The following YIPF2 variants were observed in gnomAD, a reference collection of about 807,000 sequenced individuals.
YIPF2 encodes Yip1 domain family member 2.
A neutral mutation model predicts 38.8 loss-of-function variants in YIPF2; 30 were observed. The observed-to-expected ratio is 0.77, with a 90% CI of 0.58 to 1.05. The LOEUF is 1.05. Ranked by LOEUF, YIPF2 falls within the 50% of genes least tolerant of loss-of-function variation. The pLI is 0.00. For synonymous variants in YIPF2, 194 were observed against 183.8 expected (o/e 1.06, Z -0.45); for missense variants, 401 against 409.7 (o/e 0.98, Z 0.18).
chr19:10,927,063 G>T (rs1389057296), intron 4 of YIPF2, among the ~76,000 whole-genome samples: 1 of 151,856 alleles, frequency 6.6e-6, no homozygotes, highest in African/African-American at 2.4e-5. Flanking sequence ...GTAGAGACGG[G>T]GTTTCACCAT....
chr19:10,927,458 G>T, intron 4 of YIPF2, 172 bp downstream of exon 4: 2 of 837,846 alleles, frequency 2.4e-6, no homozygotes, highest in Admixed American at 3.0e-5. Flanking sequence ...CAGATTGTGT[G>T]TGTCCCCTGT....
Position 10,923,571 on chromosome 19 carries a change from TCACGGAC to T in YIPF2, c.751_757del (p.Val251ArgfsTer98). On this transcript the variant is annotated frameshift_variant, in exon 8 of 10. Transcript: ENST00000586748. LOFTEE classifies it high-confidence loss of function. ...CACTGTGGCCACCAGCCTGGTGTCC[TCACGGAC>T]CACGGGCCAGAGGGTGAATACCAGC... is the stretch of plus-strand genomic sequence containing the variant. The T allele has an allele frequency of 6.2e-7, 1 of 1,612,748 alleles. No homozygotes were observed. Among genetic ancestry groups the T allele is most frequent in the Non-Finnish European group, 8.5e-7 (1 of 1,179,786 alleles).
Position 10,923,046 on chromosome 19 carries a change from G to A in YIPF2, c.*148C>T. ...AAATTCTCTGAATCACCTTTGCATA[G>A]AAAATAAAAGTGTTTGCTTTGTAAG... On this transcript the variant is annotated 3_prime_UTR_variant, in exon 10 of 10. Coordinates refer to ENST00000586748, the MANE Select transcript of YIPF2 (RefSeq NM_001321439.2). The A allele has an allele frequency of 2.2e-6, 1 of 456,628 alleles. No individual in the cohort carries two copies. Among genetic ancestry groups the A allele is most frequent in the Admixed American group, 4.3e-5 (1 of 23,472 alleles). The allele number at this position is 456,628 out of a possible 1,614,324, so 28.3% of individuals were successfully genotyped here.
intron 6 of YIPF2, 31 bp downstream of exon 6, chr19:10,924,045 T>C (rs1034378937): frequency 6.2e-7 from 1 of 1,613,068 alleles, no homozygotes; most frequent in Non-Finnish European, 8.5e-7. Flanking sequence ...CCCAGGGCCC[T>C]GCCAGGCATT....
intron 4 of YIPF2, 87 bp downstream of exon 4, chr19:10,927,540 CCCA>C: frequency 6.6e-7 from 1 of 1,518,322 alleles, no homozygotes; most frequent in Non-Finnish European, 9.0e-7. Context: ...TTCACCAGCA[CCCA>C]CCATCACCAG....
In YIPF2 at chr19:10,928,598, G is replaced by A; in HGVS notation, c.-118C>T. 3 of 933,990 alleles carry A rather than the reference G, an allele frequency of 3.2e-6. No homozygotes were observed. The highest frequency in any genetic ancestry group is 4.5e-6 in the Non-Finnish European group (3 of 669,542). 57.9% of individuals were successfully genotyped at this position (933,990 alleles called of 1,614,324 possible). ...GCCCCCCCTCACCTGAGGCCACCTG[G>A]GCCGGCGTGGCTGGGGCTCTCTGCG... On this transcript the variant is annotated 5_prime_UTR_variant, in exon 1 of 10. Coordinates refer to ENST00000586748, the MANE Select transcript of YIPF2 (RefSeq NM_001321439.2).
At position 10,924,066 on chromosome 19, in the gene YIPF2, G is replaced by T; in HGVS notation, c.484+10C>A. The T allele has an allele frequency of 6.2e-7, 1 of 1,613,562 alleles. No homozygotes were observed. The highest frequency in any genetic ancestry group is 8.5e-7 in the Non-Finnish European group (1 of 1,179,758). On this transcript the variant is annotated intron_variant, in intron 6 of 9. Coordinates refer to ENST00000586748, the MANE Select transcript of YIPF2 (RefSeq NM_001321439.2). ...GCCCTGCCAGGCATTGGGCCTGCCC[G>T]TCTGCTTACCCTTGTGGAACTGGGG...
chr19:10,924,261 C>G (rs967587506), intron 5 of YIPF2, 69 bp from the exon 6 acceptor site: 110 of 1,373,668 alleles, frequency 8.0e-5, no homozygotes, highest in Non-Finnish European at 1.0e-4. Context: ...TGTATCCTGA[C>G]TGAGCTGTGC....
chr19:10,928,011 C>A, intron 2 of YIPF2, 52 bp from the exon 3 acceptor site: 2 of 1,570,174 alleles, frequency 1.3e-6, no homozygotes, highest in South Asian at 1.1e-5. Context: ...GGAAAGAACT[C>A]GACTGGGCCC....
Position 10,923,419 on chromosome 19 carries a change from C to T in YIPF2, c.835-12G>A. ...TGGAAGAAGTACAACTGCACAAGAC[C>T]CCTGGGGTCAGAGGCAGGGCCAGCC... On this transcript the variant is annotated splice_polypyrimidine_tract_variant and intron_variant, in intron 8 of 9. Coordinates refer to ENST00000586748, the MANE Select transcript of YIPF2 (RefSeq NM_001321439.2). 1.2e-6 allele frequency: 2 copies of T among 1,613,530 alleles called. No homozygotes were observed. The highest frequency in any genetic ancestry group is 1.7e-6 in the Non-Finnish European group (2 of 1,179,732).
Position 10,927,634 on chromosome 19 carries a change from G to A in YIPF2, c.275C>T (p.Ser92Leu), listed in dbSNP as rs1445904839. The A allele has an allele frequency of 6.2e-7, 1 of 1,613,780 alleles. No individual in the cohort carries two copies. The highest frequency in any genetic ancestry group is 2.2e-5 in the East Asian group (1 of 44,888). The change falls in exon 4 of 10, where the codon TCA becomes TTA. Residue 92 changes from serine to leucine, a missense_variant. By Grantham distance (145) the Ser-to-Leu change is moderately radical. Coordinates refer to ENST00000586748, the MANE Select transcript of YIPF2 (RefSeq NM_001321439.2). ...CACCTGCCTCCCCAGCCTGACCTGT[G>A]AGGTGTCCACGTCAAAGAAGCTCTG... ...YYQSFFDVDT[S>L]QVLDRIKGSL...
At position 10,923,181 on chromosome 19, in the gene YIPF2, GAA is replaced by G; in HGVS notation, c.*20-9_*20-8del. ...TGGTCCACTTAGGTGTTGCCTGAAA[GAA>G]AGAATTGTCTGGGAGTGGCCCCAGA... is the stretch of plus-strand genomic sequence containing the variant. On this transcript the variant is annotated splice_region_variant and splice_polypyrimidine_tract_variant and intron_variant, in intron 9 of 9. Transcript: ENST00000586748. 1 of 1,178,348 alleles carries G rather than the reference GAA, an allele frequency of 8.5e-7. No homozygotes were observed. The highest frequency in any genetic ancestry group is 2.9e-4 in the Middle Eastern group (1 of 3,450). 73.0% of individuals were successfully genotyped at this position (1,178,348 alleles called of 1,614,324 possible). A position where few individuals can be genotyped will look rare whatever the true frequency, so the allele number is the denominator to read the frequency against.
chr19:10,924,466 C>T (rs1255290155), intron 5 of YIPF2, among the ~76,000 whole-genome samples: 1 of 152,078 alleles, frequency 6.6e-6, no homozygotes, highest in Non-Finnish European at 1.5e-5. Context: ...ACTCTCTGAC[C>T]CCTTCAGCCA....
Position 10,924,092 on chromosome 19 carries a change from G to A in YIPF2, c.468C>T (p.Ser156=), listed in dbSNP as rs147411901. ...AQRRDPSIHY[S]PQFHKVTVAG... The stretch of plus-strand genomic sequence containing the variant: ...TCTGCTTACCCTTGTGGAACTGGGG[G>A]CTGTAGTGGATGGAGGGGTCCCTCC... Residue 156 remains serine (S), a synonymous_variant, in exon 6 of 10, where the codon AGC becomes AGT. Transcript: ENST00000586748. 21 of 1,613,792 alleles carry A rather than the reference G, an allele frequency of 1.3e-5. No individual in the cohort carries two copies. Among genetic ancestry groups the A allele is most frequent in the Non-Finnish European group, 1.4e-5 (17 of 1,179,938 alleles).
At chr19:10,924,239 G>T (rs772095532) in intron 5 of YIPF2, 47 bp from the exon 6 acceptor site, 58 of 1,529,782 alleles carry the variant, frequency 3.8e-5, no homozygotes, top group Non-Finnish European at 5.0e-5. Context: ...GCACTCCCAG[G>T]ACAAGCAGAC....
chr19:10,928,381 A>T lies in YIPF2; in HGVS notation c.30T>A (p.His10Gln). 1 of 1,336,368 alleles carries T rather than the reference A, an allele frequency of 7.5e-7. No homozygotes were observed. The highest frequency in any genetic ancestry group is 9.6e-7 in the Non-Finnish European group (1 of 1,038,866). 82.8% of individuals were successfully genotyped at this position (1,336,368 alleles called of 1,614,324 possible). The change falls in exon 2 of 10, where the codon CAT (histidine) becomes CAA (glutamine). Residue 10 changes from histidine to glutamine, a missense_variant and splice_region_variant. His to Gln is a conservative substitution (Grantham distance 24). Coordinates refer to ENST00000586748, the MANE Select transcript of YIPF2 (RefSeq NM_001321439.2). MASADELTFHEFEEATNLLA... is the reference protein window; with the variant it reads MASADELTFQEFEEATNLLA... ...CGGCCACGTCGGGGCCGCACTCACC[A>T]TGGAAGGTCAGCTCGTCGGCCGATG...
intron 4 of YIPF2, among the ~76,000 whole-genome samples, chr19:10,926,967 TCAAG>T (rs1466230598): frequency 6.6e-6 from 1 of 152,164 alleles, no homozygotes; most frequent in Non-Finnish European, 1.5e-5. Context: ...CCTGGCGGAT[TCAAG>T]CGATTCTCCT....
At position 10,928,628 on chromosome 19, in the gene YIPF2, C is replaced by T; in HGVS notation, c.-148G>A. On this transcript the variant is annotated 5_prime_UTR_variant, in exon 1 of 10. Coordinates refer to ENST00000586748, the MANE Select transcript of YIPF2 (RefSeq NM_001321439.2). ...GCGTGGCTGGGGCTCTCTGCGCCTG[C>T]GCGTCTCGCCTACCCGTCAGACTCC... The T allele has an allele frequency of 2.4e-6, 2 of 838,728 alleles. No homozygotes were observed. Among genetic ancestry groups the T allele is most frequent in the Non-Finnish European group, 3.4e-6 (2 of 582,098 alleles). 52.0% of individuals were successfully genotyped at this position (838,728 alleles called of 1,614,324 possible). A position where few individuals can be genotyped will look rare whatever the true frequency, so the allele number is the denominator to read the frequency against.
Position 10,923,399 on chromosome 19 carries a change from G to C in YIPF2, c.843C>G (p.Phe281Leu). Residue 281 changes from phenylalanine to leucine, a missense_variant, in exon 9 of 10, where the codon TTC becomes TTG. Physicochemically the swap from Phe to Leu is conservative, Grantham distance 22. Transcript: ENST00000586748. ...CGTTCTCCGGAGGCAGCGACTGGAA[G>C]AAGTACAACTGCACAAGACCCCTGG... ...ALLAMGCKLY[F>L]FQSLPPENVA... The C allele has an allele frequency of 6.2e-7, 1 of 1,613,584 alleles. No homozygotes were observed. The highest frequency in any genetic ancestry group is 2.2e-5 in the East Asian group (1 of 44,884).
Sources: gnomAD v4.1 joint callset for allele counts (sites outside exome capture counted in the v4.1 genomes callset) on GRCh38, gnomAD v4.1.1 for gene constraint, MANE v1.5 for transcripts, NCBI Gene and HGNC (gene_info 2026-07-23, HGNC 2026-07-21) for gene names.